INSC: variants seen among roughly 807,000 people sequenced by gnomAD.
INSC encodes INSC spindle orientation adaptor protein.
In INSC, 67 loss-of-function variants were observed where a neutral mutation model predicts 58.6. That is an observed-to-expected ratio of 1.14 (90% CI 0.94 to 1.40). The LOEUF (loss-of-function observed/expected upper bound fraction) is 1.40. INSC is among the 40% of genes most tolerant of loss of function. The pLI, the probability that INSC is intolerant of heterozygous loss-of-function variation, is 0.00. For missense variants in INSC, 714 were observed against 692.0 expected (o/e 1.03, Z -0.36); for synonymous variants, 262 against 276.1 (o/e 0.95, Z 0.51).
chr11:15,175,903 C>A lies in INSC; in HGVS notation c.219C>A (p.Pro73=). The change falls in exon 3 of 13, where the codon CCC becomes CCA. Residue 73 remains proline, a synonymous_variant. Coordinates refer to ENST00000379556, the MANE Select transcript of INSC (RefSeq NM_001042536.3). ...ILAGGPGPGD[P]LQLLLKRGWV... ...CAGGTGGCCCTGGCCCTGGAGACCCCCTGCAGCTGCTGCTCAAACGGGGTT... is the reference window on the plus strand; with the variant it reads ...CAGGTGGCCCTGGCCCTGGAGACCCACTGCAGCTGCTGCTCAAACGGGGTT... 6.2e-7 allele frequency: 1 copy of A among 1,614,170 alleles called. No individual in the cohort carries two copies. Among genetic ancestry groups the A allele is most frequent in the Non-Finnish European group, 8.5e-7 (1 of 1,180,008 alleles).
At chr11:15,220,466 C>T (rs536452610) in intron 7 of INSC, among the ~76,000 whole-genome samples, 66 of 152,226 alleles carry the variant, frequency 4.3e-4, no homozygotes, top group Non-Finnish European at 8.4e-4. Context: ...CCAATGGAGG[C>T]TGAGGTCTGA....
chr11:15,203,786 G>GCTGT (rs1850688158), intron 7 of INSC, among the ~76,000 whole-genome samples: 1 of 151,878 alleles, frequency 6.6e-6, no homozygotes. Context: ...AATTCAGCCT[G>GCTGT]CTGTCTGCCT....
Position 15,246,170 on chromosome 11 carries a change from A to G in INSC, c.*130A>G, listed in dbSNP as rs1415683717. On this transcript the variant is annotated 3_prime_UTR_variant, in exon 13 of 13. Coordinates refer to ENST00000379556, the MANE Select transcript of INSC (RefSeq NM_001042536.3). Reference sequence around the variant, plus strand: ...TACTTAACTTATTTTTGTGTGAAATAAATGGAGGACAAAATCTTAGAGCAA... The same window carrying G: ...TACTTAACTTATTTTTGTGTGAAATGAATGGAGGACAAAATCTTAGAGCAA... 3 of 983,434 alleles carry G rather than the reference A, an allele frequency of 3.1e-6. No individual in the cohort carries two copies. The African/African-American group carries it at 4.8e-5, about 16-fold the overall frequency. The allele number at this position is 983,434 out of a possible 1,614,324, so 60.9% of individuals were successfully genotyped here.
the INSC span, among the ~76,000 whole-genome samples, chr11:15,262,689 A>ACACACACAC: frequency 1.2e-4 from 9 of 72,814 alleles, no homozygotes; most frequent in African/African-American, 4.0e-4. Flanking sequence ...CACACACACA[A>ACACACACAC]ACAGTATCTC....
chr11:15,227,879 G>A (rs1010374449), intron 9 of INSC, among the ~76,000 whole-genome samples: 10 of 152,200 alleles, frequency 6.6e-5, no homozygotes, highest in African/African-American at 1.9e-4. Flanking sequence ...GGCTGACTCC[G>A]GTCATTTCCT....
At chr11:15,195,232 A>G (rs573198287) in intron 6 of INSC, among the ~76,000 whole-genome samples, 1 of 152,246 alleles carries the variant, frequency 6.6e-6, no homozygotes, top group South Asian at 2.1e-4. Context: ...CTGAGCTGAA[A>G]CTGACTTAAC....
In INSC at chr11:15,188,161, G is replaced by C. The variant is rs1024740093; in HGVS notation, c.580-2540G>C. On this transcript the variant is annotated intron_variant, in intron 5 of 12. Coordinates refer to ENST00000379556, the MANE Select transcript of INSC (RefSeq NM_001042536.3). ...GTGGCCTTGGCAAGAATACAGGGCAGATCCAGAGGGGCATTTGCAAGGCCC... is the reference window on the plus strand; with the variant it reads ...GTGGCCTTGGCAAGAATACAGGGCACATCCAGAGGGGCATTTGCAAGGCCC... 12 of 985,114 alleles carry C rather than the reference G, an allele frequency of 1.2e-5. No individual in the cohort carries two copies. The East Asian group carries it at 3.4e-4, about 28-fold the overall frequency. The allele number at this position is 985,114 out of a possible 1,614,324, so 61.0% of individuals were successfully genotyped here.
intron 1 of INSC, among the ~76,000 whole-genome samples, chr11:15,119,418 C>T (rs537094677): frequency 6.6e-6 from 1 of 152,288 alleles, no homozygotes; most frequent in South Asian, 2.1e-4. Flanking sequence ...GTCTGATCTC[C>T]CCTCCCCCAG....
At chr11:15,183,798 A>G (rs955834122) in intron 5 of INSC, among the ~76,000 whole-genome samples, 2 of 152,208 alleles carry the variant, frequency 1.3e-5, no homozygotes, top group African/African-American at 2.4e-5. Context: ...TTCAAGATAT[A>G]TTGGATAAAA....
chr11:15,238,790 C>G (rs1777629310), intron 10 of INSC, 129 bp from the exon 11 acceptor site: 1 of 850,680 alleles, frequency 1.2e-6, no homozygotes, highest in Non-Finnish European at 1.8e-6. Context: ...CAGCTTCCTC[C>G]CTGTGGGTGA....
At chr11:15,124,757 C>T (rs990779142) in intron 1 of INSC, among the ~76,000 whole-genome samples, 8 of 152,098 alleles carry the variant, frequency 5.3e-5, no homozygotes, top group African/African-American at 1.4e-4. Flanking sequence ...TCTGCTTTGG[C>T]GGCTGACAGG....
At chr11:15,233,093 A>C (rs1364903646) in intron 9 of INSC, among the ~76,000 whole-genome samples, 1 of 152,228 alleles carries the variant, frequency 6.6e-6, no homozygotes, top group African/African-American at 2.4e-5. Context: ...GCAAAATGTG[A>C]TAGAGCCAGG....
chr11:15,115,173 T>G (rs1370200635), intron 1 of INSC, among the ~76,000 whole-genome samples, 170 bp downstream of exon 1: 1 of 152,216 alleles, frequency 6.6e-6, no homozygotes, highest in African/African-American at 2.4e-5. Context: ...CTGGATGGGA[T>G]GTCCACATGT....
intron 1 of INSC, among the ~76,000 whole-genome samples, chr11:15,115,694 C>T (rs1233041499): frequency 2.0e-5 from 3 of 152,122 alleles, no homozygotes; most frequent in Non-Finnish European, 4.4e-5. Flanking sequence ...CCATGGCCAC[C>T]CACAAACACT....
chr11:15,177,007 C>T, intron 3 of INSC, 104 bp from the exon 4 acceptor site: 1 of 915,856 alleles, frequency 1.1e-6, no homozygotes, highest in Non-Finnish European at 1.8e-6. Context: ...CCCCAAGTCA[C>T]ATTAATTGAT....
intron 1 of INSC, among the ~76,000 whole-genome samples, chr11:15,119,476 T>G (rs906209068): frequency 1.3e-5 from 2 of 152,152 alleles, no homozygotes; most frequent in African/African-American, 4.8e-5. Context: ...TTGGATGCTT[T>G]GAGGATGTCT....
chr11:15,202,550 A>G (rs758727159), intron 7 of INSC, among the ~76,000 whole-genome samples: 12 of 152,214 alleles, frequency 7.9e-5, no homozygotes, highest in Non-Finnish European at 1.3e-4. Flanking sequence ...AGCATCCTCA[A>G]CTTCACGTTC....
intron 2 of INSC, among the ~76,000 whole-genome samples, chr11:15,172,912 G>A (rs1849448556): frequency 6.6e-6 from 1 of 152,048 alleles, no homozygotes; most frequent in South Asian, 2.1e-4. Context: ...TGGTATGGGG[G>A]GCGCAACTGA....
chr11:15,252,175 C>A (rs1185933867), downstream of INSC, among the ~76,000 whole-genome samples: 4 of 152,076 alleles, frequency 2.6e-5, no homozygotes. Context: ...TACAGAATAG[C>A]CAAGCCTTCA....
Sources: gnomAD v4.1 joint callset for allele counts (sites outside exome capture counted in the v4.1 genomes callset) on GRCh38, gnomAD v4.1.1 for gene constraint, MANE v1.5 for transcripts, NCBI Gene and HGNC (gene_info 2026-07-23, HGNC 2026-07-21) for gene names.